DPY19L2: variants seen among roughly 807,000 people sequenced by gnomAD.
The protein encoded by DPY19L2 is dpy-19 like 2.
Under a neutral mutation model 97.9 loss-of-function variants are expected in DPY19L2, and 34 were observed. The ratio of observed to expected loss-of-function variants is 0.35; its 90% CI spans 0.26 to 0.46. The LOEUF is 0.46. Among genes scored for constraint, DPY19L2 ranks in the 20% least tolerant of loss-of-function variants. The pLI, the probability that DPY19L2 is intolerant of heterozygous loss-of-function variation, is 1.00. For synonymous variants in DPY19L2, 230 were observed against 307.9 expected, an observed-to-expected ratio of 0.75 and a Z score of 2.65; for missense variants, 623 against 911.4, an observed-to-expected ratio of 0.68 and a Z score of 4.07.
intron 12 of DPY19L2, among the ~76,000 whole-genome samples, chr12:63,606,888 G>A (rs1359774350): frequency 1.3e-5 from 2 of 152,074 alleles, no homozygotes; most frequent in Non-Finnish European, 2.9e-5. Context: ...AAAAACTGGA[G>A]TCTCCCATTA....
intron 11 of DPY19L2, among the ~76,000 whole-genome samples, chr12:63,613,826 C>T (rs1169421220): frequency 2.0e-5 from 3 of 152,020 alleles, no homozygotes; most frequent in East Asian, 3.9e-4. Flanking sequence ...ACGTTTATAA[C>T]GTATCAAAAC....
chr12:63,623,502 T>A (rs1054727752), intron 8 of DPY19L2, among the ~76,000 whole-genome samples: 4 of 151,938 alleles, frequency 2.6e-5, no homozygotes, highest in Admixed American at 6.6e-5. Flanking sequence ...GCAAACTATA[T>A]ACAAACGCAT....
At chr12:63,645,939 T>A (rs890922677) in intron 5 of DPY19L2, among the ~76,000 whole-genome samples, 12 of 152,082 alleles carry the variant, frequency 7.9e-5, no homozygotes, top group Admixed American at 4.6e-4. Flanking sequence ...GTGCACCCCT[T>A]TCATGATCTG....
At chr12:63,605,968 A>C (rs1253190854) in intron 12 of DPY19L2, among the ~76,000 whole-genome samples, 5 of 152,254 alleles carry the variant, frequency 3.3e-5, no homozygotes, top group African/African-American at 1.2e-4. Context: ...ATATCTTAGA[A>C]ATTTTAAAAT....
rs1896338494 is a variant in DPY19L2 at position 63,666,374 on chromosome 12, C to G, written c.338-515G>C. 1.4e-5 allele frequency: 3 copies of G among 218,872 alleles called. No homozygotes were observed. In the South Asian group the frequency reaches 2.0e-4, roughly 15 times the overall value. The allele number at this position is 218,872 out of a possible 1,614,324, so 13.6% of individuals were successfully genotyped here. ...ACCCTTGATGAATTGCAAGCTCTTT[C>G]CAAGAGCCCAGACCTAGGAGCTACT... On this transcript the variant is annotated intron_variant, in intron 1 of 21. Coordinates refer to ENST00000324472, the MANE Select transcript of DPY19L2 (RefSeq NM_173812.5).
chr12:63,601,187 AT>A (rs896559885), intron 12 of DPY19L2, among the ~76,000 whole-genome samples: 9 of 152,132 alleles, frequency 5.9e-5, no homozygotes, highest in African/African-American at 2.2e-4. Flanking sequence ...CTGAAAATCC[AT>A]TTTTTAAAAC....
intron 16 of DPY19L2, among the ~76,000 whole-genome samples, chr12:63,587,381 T>C (rs985416206): frequency 2.0e-5 from 3 of 151,794 alleles, no homozygotes; most frequent in Admixed American, 2.0e-4. Context: ...CCATTTGGAA[T>C]AGCACTATTA....
intron 5 of DPY19L2, among the ~76,000 whole-genome samples, chr12:63,645,121 A>G (rs898306922): frequency 6.6e-5 from 10 of 152,230 alleles, no homozygotes; most frequent in African/African-American, 2.2e-4. Context: ...TGTACTTAAC[A>G]ATCATCCCAC....
At chr12:63,607,074 A>T (rs898333646) in intron 12 of DPY19L2, among the ~76,000 whole-genome samples, 7 of 152,264 alleles carry the variant, frequency 4.6e-5, no homozygotes, top group Non-Finnish European at 1.0e-4. Context: ...CATTTGGTTA[A>T]ATCTCAACTT....
intron 4 of DPY19L2, among the ~76,000 whole-genome samples, chr12:63,648,234 G>A (rs542172741): frequency 7.9e-5 from 12 of 152,184 alleles, no homozygotes; most frequent in African/African-American, 2.9e-4. Flanking sequence ...AGAATTCTTA[G>A]ACTCCAGAAT....
intron 9 of DPY19L2, chr12:63,620,040 T>C (rs948882508): frequency 1.1e-5 from 5 of 447,950 alleles, no homozygotes; most frequent in African/African-American, 4.0e-5. Flanking sequence ...TTGTAGGCTA[T>C]TGGCAGCATG....
At chr12:63,646,365 A>G (rs532386704) in intron 5 of DPY19L2, among the ~76,000 whole-genome samples, 38 of 152,222 alleles carry the variant, frequency 2.5e-4, no homozygotes, top group African/African-American at 8.7e-4. Context: ...ATTTTCTCCA[A>G]TCCTTTACAT....
chr12:63,597,760 A>G (rs1884483011), intron 14 of DPY19L2, 49 bp downstream of exon 14: 2 of 1,529,948 alleles, frequency 1.3e-6, no homozygotes, highest in African/African-American at 1.4e-5. Context: ...TAAAAAACCT[A>G]GAGCAAAAAA....
Position 63,594,463 on chromosome 12 carries a change from T to TAG in DPY19L2, c.1534-332_1534-331dup, listed in dbSNP as rs1883757944. On this transcript the variant is annotated intron_variant, in intron 15 of 21. Transcript: ENST00000324472. ...GCTGCAGGGATGAGAGAGAGAGAGA[T>TAG]AGTGTGTGTGTGTGTGTGTGTGTGT... is the stretch of plus-strand genomic sequence containing the variant. Among the ~76,000 whole-genome samples the TAG allele has an allele frequency of 1.7e-3, 119 of 71,124 alleles. 1 individual carries two copies. The highest frequency in any genetic ancestry group is 6.7e-3 in the African/African-American group (98 of 14,660). The allele number at this position is 71,124 out of a possible 152,430, so 46.7% of individuals were successfully genotyped here. A position where few individuals can be genotyped will look rare whatever the true frequency, so the allele number is the denominator to read the frequency against.
chr12:63,591,985 G>A (rs1433110312), intron 16 of DPY19L2, among the ~76,000 whole-genome samples: 38 of 53,288 alleles, frequency 7.1e-4, no homozygotes, highest in African/African-American at 4.2e-3. Flanking sequence ...AGAGGGGAAG[G>A]GAAGGGAAGG....
At chr12:63,580,513 T>C in intron 19 of DPY19L2, 149 bp downstream of exon 19, 2 of 824,202 alleles carry the variant, frequency 2.4e-6, no homozygotes, top group Non-Finnish European at 3.4e-6. Context: ...AATAGTCTGC[T>C]CAAAGTCTGT....
rs899727653 is a variant in DPY19L2, at chr12:63,668,371, G to GA, written c.22dup (p.Ser8PhefsTer13). 3 of 1,612,838 alleles carry GA rather than the reference G, an allele frequency of 1.9e-6. No homozygotes were observed. The highest frequency in any genetic ancestry group is 2.5e-6 in the Non-Finnish European group (3 of 1,179,714). On this transcript the variant is annotated frameshift_variant, in exon 1 of 22. Coordinates refer to ENST00000324472, the MANE Select transcript of DPY19L2 (RefSeq NM_173812.5). LOFTEE classifies it high-confidence loss of function. Reference sequence around the variant, plus strand: ...GCGGCCGGAAGATTGCAGCCGCTTTGAGCTTACTCCTTGTTTTCTCATAAT... The same window carrying GA: ...GCGGCCGGAAGATTGCAGCCGCTTTGAAGCTTACTCCTTGTTTTCTCATAAT...
intron 16 of DPY19L2, among the ~76,000 whole-genome samples, chr12:63,591,505 A>T (rs1306021850): frequency 6.6e-6 from 1 of 152,084 alleles, no homozygotes; most frequent in Admixed American, 6.6e-5. Flanking sequence ...TTGAGATCAT[A>T]TTTCCCTCAG....
chr12:63,597,567 T>G (rs1244748813), intron 14 of DPY19L2, among the ~76,000 whole-genome samples: 1 of 152,042 alleles, frequency 6.6e-6, no homozygotes, highest in Non-Finnish European at 1.5e-5. Context: ...GGTCATATAG[T>G]ATGTTAAATA....
Sources: allele counts gnomAD v4.1 joint callset (sites outside exome capture counted in the v4.1 genomes callset), GRCh38; gene constraint gnomAD v4.1.1; transcripts MANE v1.5; gene names NCBI Gene and HGNC (gene_info 2026-07-23, HGNC 2026-07-21).